The following EPHA6 variants were observed in gnomAD, a reference collection of about 807,000 sequenced individuals.
EPHA6 encodes the protein ephrin type-A receptor 6.
In EPHA6, 50 loss-of-function variants were observed where a neutral mutation model predicts 112.0. The ratio of observed to expected loss-of-function variants is 0.45; its 90% CI spans 0.36 to 0.56. The LOEUF is 0.56. EPHA6 is among the 20% of genes least tolerant of loss of function. The pLI, the probability that EPHA6 is intolerant of heterozygous loss-of-function variation, is 0.00. For missense variants in EPHA6, 1,280 were observed against 1,417.4 expected (o/e 0.90, Z 1.56); for synonymous variants, 529 against 490.7 (o/e 1.08, Z -1.03).
intron 14 of EPHA6, among the ~76,000 whole-genome samples, chr3:97,653,962 G>C (rs1490027876): frequency 6.6e-6 from 1 of 151,930 alleles, no homozygotes; most frequent in African/African-American, 2.4e-5. Context: ...AGAGTAGAAT[G>C]GTTGTTACCA....
At chr3:97,563,165 T>C (rs1051415877) in intron 11 of EPHA6, among the ~76,000 whole-genome samples, 1 of 152,044 alleles carries the variant, frequency 6.6e-6, no homozygotes, top group Non-Finnish European at 1.5e-5. Flanking sequence ...ATATAATGGA[T>C]TGACAGCTGC....
At chr3:96,839,965 A>C (rs1003157582) in intron 1 of EPHA6, among the ~76,000 whole-genome samples, 2 of 152,120 alleles carry the variant, frequency 1.3e-5, no homozygotes, top group African/African-American at 2.4e-5. Flanking sequence ...ACCATTTAGA[A>C]CACTATTGTT....
At chr3:96,902,378 A>G (rs910625156) in intron 2 of EPHA6, among the ~76,000 whole-genome samples, 1 of 152,180 alleles carries the variant, frequency 6.6e-6, no homozygotes, top group African/African-American at 2.4e-5. Flanking sequence ...ACTATATGTA[A>G]TTATCACTTA....
intron 3 of EPHA6, among the ~76,000 whole-genome samples, chr3:97,022,881 A>G (rs1220631373): frequency 6.6e-6 from 1 of 152,172 alleles, no homozygotes; most frequent in African/African-American, 2.4e-5. Context: ...TTCTGCCTGA[A>G]TGAGTATTAG....
intron 3 of EPHA6, among the ~76,000 whole-genome samples, chr3:97,215,177 A>G (rs1199862162): frequency 6.6e-6 from 1 of 152,204 alleles, no homozygotes; most frequent in Non-Finnish European, 1.5e-5. Flanking sequence ...AGGATTTCTC[A>G]TGTTATTTTT....
chr3:97,346,455 C>A (rs2083536587), intron 5 of EPHA6, among the ~76,000 whole-genome samples: 1 of 152,150 alleles, frequency 6.6e-6, no homozygotes, highest in South Asian at 2.1e-4. Flanking sequence ...TCCTTCTCAG[C>A]AGTCCACAGA....
At chr3:96,991,357 C>T (rs1382355407) in intron 3 of EPHA6, among the ~76,000 whole-genome samples, 2 of 152,106 alleles carry the variant, frequency 1.3e-5, no homozygotes, top group Non-Finnish European at 2.9e-5. Context: ...AAACAGCCAT[C>T]ACTTATGTAG....
At chr3:97,046,980 T>C (rs1265900953) in intron 3 of EPHA6, among the ~76,000 whole-genome samples, 1 of 152,150 alleles carries the variant, frequency 6.6e-6, no homozygotes, top group Non-Finnish European at 1.5e-5. Context: ...TAATGTGTTT[T>C]TCTCAGTCTT....
intron 14 of EPHA6, among the ~76,000 whole-genome samples, chr3:97,673,459 AATT>A (rs1461671084): frequency 1.3e-5 from 2 of 152,214 alleles, no homozygotes; most frequent in Non-Finnish European, 2.9e-5. Flanking sequence ...GTGAATTCAC[AATT>A]ATTAGAATAT....
chr3:97,085,949 A>ATGATGT (rs2046885744), intron 3 of EPHA6, among the ~76,000 whole-genome samples: 2 of 143,310 alleles, frequency 1.4e-5, no homozygotes, highest in Non-Finnish European at 3.0e-5. Context: ...ATATATATAT[A>ATGATGT]CACACTGAGA....
intron 3 of EPHA6, among the ~76,000 whole-genome samples, chr3:97,003,961 A>G (rs1559661088): frequency 6.6e-6 from 1 of 152,166 alleles, no homozygotes; most frequent in Non-Finnish European, 1.5e-5. Context: ...GTCCCTGCAA[A>G]GGACATGGTC....
intron 5 of EPHA6, among the ~76,000 whole-genome samples, chr3:97,358,006 G>T (rs1188270466): frequency 2.6e-5 from 4 of 152,070 alleles, no homozygotes; most frequent in African/African-American, 4.8e-5. Context: ...TGGAAAAGGA[G>T]ACAGGAGAGG....
chr3:96,908,571 C>T (rs1183180871), intron 2 of EPHA6, among the ~76,000 whole-genome samples: 2 of 151,658 alleles, frequency 1.3e-5, no homozygotes, highest in African/African-American at 2.4e-5. Context: ...GTTCCCGTGC[C>T]GATTTCAGTG....
intron 16 of EPHA6, among the ~76,000 whole-genome samples, chr3:97,739,801 A>T (rs992338697): frequency 3.9e-5 from 6 of 152,262 alleles, no homozygotes; most frequent in Non-Finnish European, 7.4e-5. Context: ...ACAGTAAAAA[A>T]CTAATTTGCA....
rs2086001366 is a variant in EPHA6 at position 97,385,402 on chromosome 3, CTT to C, written c.1607-19747_1607-19746del. On this transcript the variant is annotated intron_variant, in intron 5 of 17. Coordinates refer to ENST00000389672, the MANE Select transcript of EPHA6 (RefSeq NM_001080448.3). ...TAATAACTCTATTTAAATATATACT[CTT>C]ATAACAAAAAGACATAACATAATCT... Among the ~76,000 whole-genome samples, 5 of 152,092 alleles carry C rather than the reference CTT, an allele frequency of 3.3e-5. No homozygotes were observed. The South Asian group carries it at 1.0e-3, about 32-fold the overall frequency.
At chr3:97,564,549 G>A (rs1470727849) in intron 11 of EPHA6, among the ~76,000 whole-genome samples, 10 of 152,046 alleles carry the variant, frequency 6.6e-5, no homozygotes, top group Non-Finnish European at 1.3e-4. Flanking sequence ...ATTAAGGGTC[G>A]ACTTTTAAAG....
chr3:96,913,161 TACACACACACACACACAC>T (rs768422240), intron 2 of EPHA6, among the ~76,000 whole-genome samples: 3,347 of 123,228 alleles, frequency 0.027, 148 homozygotes, highest in African/African-American at 0.094. Flanking sequence ...AGACCCCGTC[TACACACACACACACACAC>T]ACACACACAC....
chr3:97,645,378 C>A (rs7653342), intron 14 of EPHA6, among the ~76,000 whole-genome samples: 83,280 of 139,394 alleles, frequency 0.6, 24,848 homozygotes, highest in African/African-American at 0.68. Flanking sequence ...ACATGGATGA[C>A]ATTGGAAATC....
intron 5 of EPHA6, among the ~76,000 whole-genome samples, chr3:97,309,581 C>A (rs2081462566): frequency 6.6e-6 from 1 of 151,388 alleles, no homozygotes; most frequent in Admixed American, 6.6e-5. Context: ...ATAATAGTTA[C>A]TGAATTAATT....
Sources: allele counts gnomAD v4.1 joint callset (sites outside exome capture counted in the v4.1 genomes callset), GRCh38; gene constraint gnomAD v4.1.1; transcripts MANE v1.5; gene names NCBI Gene and HGNC (gene_info 2026-07-23, HGNC 2026-07-21).